Variants in TMEM223 observed in about 807,000 individuals in gnomAD.
The protein encoded by TMEM223 is transmembrane protein 223.
Under a neutral mutation model 14.1 loss-of-function variants are expected in TMEM223, and 14 were observed. The ratio of observed to expected loss-of-function variants is 0.99; its 90% CI spans 0.66 to 1.55. TMEM223 has a LOEUF of 1.55. Ranked by LOEUF, TMEM223 falls within the 40% of genes most tolerant of loss-of-function variation. The pLI is 0.00. For missense variants in TMEM223, 346 were observed against 269.9 expected (o/e 1.28, Z -1.97); for synonymous variants, 145 against 120.5 (o/e 1.20, Z -1.33).
chr11:62,790,515 C>A lies in TMEM223; in HGVS notation c.*108G>T. 1 of 1,069,406 alleles carries A rather than the reference C, an allele frequency of 9.4e-7. No homozygotes were observed. Among genetic ancestry groups the A allele is most frequent in the Non-Finnish European group, 1.3e-6 (1 of 751,324 alleles). 66.2% of individuals were successfully genotyped at this position (1,069,406 alleles called of 1,614,324 possible). A position where few individuals can be genotyped will look rare whatever the true frequency, so the allele number is the denominator to read the frequency against. ...GGGCTCGAGCAGTGCTCCTGCCTCA[C>A]CCTCCCAAAGTGCTGGGATTACAAC... On this transcript the variant is annotated 3_prime_UTR_variant, in exon 2 of 2. Coordinates refer to ENST00000307366, the MANE Select transcript of TMEM223 (RefSeq NM_001080501.3).
chr11:62,782,724 C>G (rs186394049), downstream of TMEM223: 5 of 1,612,468 alleles, frequency 3.1e-6, no homozygotes, highest in African/African-American at 2.7e-5. Flanking sequence ...TGGCCTCTAT[C>G]AGCATATCCT....
chr11:62,778,901 C>T (rs1205307003), intron 1 of TMEM223: 5 of 1,613,960 alleles, frequency 3.1e-6, no homozygotes, highest in Non-Finnish European at 4.2e-6. Flanking sequence ...GACAGATGAC[C>T]TTCTCAAGTA....
downstream of TMEM223, chr11:62,786,801 C>T (rs760375334): frequency 1.2e-6 from 2 of 1,609,362 alleles, no homozygotes; most frequent in Non-Finnish European, 8.5e-7. Flanking sequence ...GCTTTGGCAC[C>T]GGCCAGCCTG....
At chr11:62,775,657 T>C in intron 1 of TMEM223, 1 of 1,217,810 alleles carries the variant, frequency 8.2e-7, no homozygotes, top group South Asian at 1.5e-5. Flanking sequence ...CAGAGCTCCT[T>C]GTTTAGAAAC....
At chr11:62,784,903 G>A (rs2084258914), downstream of TMEM223, among the ~76,000 whole-genome samples, 1 of 152,194 alleles carries the variant, frequency 6.6e-6, no homozygotes. Context: ...CTCATGTACT[G>A]TCCTTGTCTG....
chr11:62,777,645 G>T (rs1390239971), intron 1 of TMEM223, among the ~76,000 whole-genome samples: 1 of 152,206 alleles, frequency 6.6e-6, no homozygotes, highest in African/African-American at 2.4e-5. Context: ...GGAGCGGTGA[G>T]TTGAGAGAGG....
Position 62,791,754 on chromosome 11 carries a change from C to T in TMEM223, c.241G>A (p.Val81Ile), listed in dbSNP as rs1260388120. ...AGGTCGAAGGGGCCACGATTTGGGA[C>T]CTCCGCATCCAGAGGCTGCACCGGA... is the stretch of plus-strand genomic sequence containing the variant. ...PVPVQPLDAE[V>I]PNRGPFDLRS... The change falls in exon 1 of 2, where the codon GTC becomes ATC. Residue 81 changes from valine to isoleucine, a missense_variant. Val to Ile is a conservative substitution (Grantham distance 29, BLOSUM62 3). Coordinates refer to ENST00000307366, the MANE Select transcript of TMEM223 (RefSeq NM_001080501.3). The T allele has an allele frequency of 1.9e-6, 3 of 1,563,964 alleles. No individual in the cohort carries two copies. Among genetic ancestry groups the T allele is most frequent in the South Asian group, 1.2e-5 (1 of 84,930 alleles).
downstream of TMEM223, among the ~76,000 whole-genome samples, chr11:62,785,511 C>T (rs937235262): frequency 6.9e-6 from 1 of 145,328 alleles, no homozygotes; most frequent in Non-Finnish European, 1.5e-5. Context: ...CTTATAGGCC[C>T]AGCTGGTATT....
At chr11:62,779,972 A>ATTTTTTTT (rs1367245372) in intron 1 of TMEM223, among the ~76,000 whole-genome samples, 8 of 61,474 alleles carry the variant, frequency 1.3e-4, no homozygotes, top group African/African-American at 3.4e-4. Context: ...ATATATATAT[A>ATTTTTTTT]TATATTTTTT....
chr11:62,775,653 T>TGAGTA, intron 1 of TMEM223: 1 of 1,143,752 alleles, frequency 8.7e-7, no homozygotes, highest in Non-Finnish European at 1.2e-6. Context: ...TACTCAGAGC[T>TGAGTA]CCTTGTTTAG....
Position 62,790,136 on chromosome 11 carries a change from C to T in TMEM223, c.*487G>A. The T allele has an allele frequency of 2.8e-5, 24 of 860,332 alleles. No homozygotes were observed. The highest frequency in any genetic ancestry group is 1.2e-4 in the South Asian group (6 of 48,886). The allele number at this position is 860,332 out of a possible 1,614,324, so 53.3% of individuals were successfully genotyped here. On this transcript the variant is annotated 3_prime_UTR_variant, in exon 2 of 2. Coordinates refer to ENST00000307366, the MANE Select transcript of TMEM223 (RefSeq NM_001080501.3). ...TCAAGGCCCTGTTTATGTTGGGAGT[C>T]TTAGTTTTCCTTTCGTTGGGGGGTG...
chr11:62,787,885 T>C, downstream of TMEM223: 1 of 562,064 alleles, frequency 1.8e-6, no homozygotes, highest in South Asian at 1.5e-5. Context: ...TGTGCTGAGC[T>C]TTGTCGAGAA....
chr11:62,772,568 C>G (rs950931004), intron 2 of TMEM223, among the ~76,000 whole-genome samples: 4 of 146,690 alleles, frequency 2.7e-5, no homozygotes, highest in Non-Finnish European at 5.9e-5. Context: ...GTGGCTCTCA[C>G]GCCTGTAATT....
chr11:62,776,463 G>A, intron 1 of TMEM223: 1 of 1,613,520 alleles, frequency 6.2e-7, no homozygotes, highest in East Asian at 2.2e-5. Flanking sequence ...AGATGGAGCA[G>A]CGTGGAGGTG....
chr11:62,786,709 C>T, downstream of TMEM223: 6 of 1,612,906 alleles, frequency 3.7e-6, no homozygotes, highest in Admixed American at 1.7e-5. Context: ...GGGCGCGGGG[C>T]CGGAGGACCC....
chr11:62,787,168 GCCTT>G (rs2084289855), downstream of TMEM223: 3 of 1,582,540 alleles, frequency 1.9e-6, no homozygotes, highest in Non-Finnish European at 2.6e-6. Flanking sequence ...TTTCCAGACT[GCCTT>G]CCCCGCGCCG....
chr11:62,786,976 G>A (rs780696325), downstream of TMEM223: 3 of 1,446,714 alleles, frequency 2.1e-6, no homozygotes, highest in African/African-American at 3.0e-5. Context: ...CTCTGGGCCC[G>A]CCGCCTCTGA....
intron 1 of TMEM223, chr11:62,778,922 G>T (rs372721055): frequency 1.2e-6 from 2 of 1,614,150 alleles, no homozygotes. Context: ...CTATCACCAG[G>T]TGACTCGTGC....
chr11:62,777,061 C>T (rs1219141843), intron 1 of TMEM223, among the ~76,000 whole-genome samples: 7 of 151,846 alleles, frequency 4.6e-5, no homozygotes, highest in African/African-American at 9.7e-5. Flanking sequence ...GCAGGAGAAT[C>T]GCGTGAACCT....
Sources: allele counts gnomAD v4.1 joint callset (sites outside exome capture counted in the v4.1 genomes callset), GRCh38; gene constraint gnomAD v4.1.1; transcripts MANE v1.5; gene names NCBI Gene and HGNC (gene_info 2026-07-23, HGNC 2026-07-21).